Variants in TUSC3 observed in about 807,000 individuals in gnomAD.
TUSC3 encodes the protein dolichyl-diphosphooligosaccharide--protein glycosyltransferase subunit TUSC3.
A neutral mutation model predicts 44.8 loss-of-function variants in TUSC3; 45 were observed. The ratio of observed to expected loss-of-function variants is 1.00; its 90% CI spans 0.79 to 1.29. TUSC3 has a LOEUF of 1.29. Among genes scored for constraint, TUSC3 ranks in the 50% most tolerant of loss-of-function variants. TUSC3 has a pLI of 0.00. For synonymous variants in TUSC3, 212 were observed against 152.9 expected (o/e 1.39, Z -2.85); for missense variants, 519 against 437.9 (o/e 1.19, Z -1.65).
intron 1 of TUSC3, among the ~76,000 whole-genome samples, chr8:15,481,272 G>A (rs922182903): frequency 1.3e-5 from 2 of 151,596 alleles, no homozygotes; most frequent in Admixed American, 1.3e-4. Context: ...AAAAAAAGTG[G>A]GGTCTTTAAG....
At chr8:15,435,505 A>C (rs868383947) in intron 1 of TUSC3, among the ~76,000 whole-genome samples, 1 of 152,362 alleles carries the variant, frequency 6.6e-6, no homozygotes, top group East Asian at 1.9e-4. Flanking sequence ...CATATTTCAA[A>C]TAGCATATTA....
At chr8:15,503,293 A>G (rs966901880) in intron 2 of TUSC3, among the ~76,000 whole-genome samples, 2 of 152,056 alleles carry the variant, frequency 1.3e-5, no homozygotes, top group Non-Finnish European at 2.9e-5. Context: ...GAAGAAACTA[A>G]CCCTGCCGCC....
intron 1 of TUSC3, among the ~76,000 whole-genome samples, chr8:15,592,152 A>C (rs1803870268): frequency 6.6e-6 from 1 of 152,226 alleles, no homozygotes; most frequent in Non-Finnish European, 1.5e-5. Flanking sequence ...TGACTTGAAT[A>C]GTTGTTTTCC....
At chr8:15,672,937 A>G (rs573001674) in intron 5 of TUSC3, among the ~76,000 whole-genome samples, 1 of 152,176 alleles carries the variant, frequency 6.6e-6, no homozygotes, top group African/African-American at 2.4e-5. Flanking sequence ...TGATTGGGCA[A>G]GTTATAGGAT....
At chr8:15,620,093 G>C (rs1211067902) in intron 1 of TUSC3, among the ~76,000 whole-genome samples, 1 of 152,114 alleles carries the variant, frequency 6.6e-6, no homozygotes, top group Non-Finnish European at 1.5e-5. Flanking sequence ...ATTAAAATAA[G>C]ATACCATTGT....
chr8:15,789,995 G>A, the TUSC3 span, among the ~76,000 whole-genome samples: 1 of 152,018 alleles, frequency 6.6e-6, no homozygotes, highest in African/African-American at 2.4e-5. Context: ...GCAGACCAGG[G>A]CTAACTCCTA....
intron 3 of TUSC3, among the ~76,000 whole-genome samples, chr8:15,655,696 C>G (rs10100681): frequency 0.28 from 42,139 of 152,108 alleles, 5,977 homozygotes; most frequent in Non-Finnish European, 0.3. Context: ...CTTTGAGGAG[C>G]CAAGAATCAA....
chr8:15,467,110 A>ATAATAG (rs1271566458), intron 1 of TUSC3, among the ~76,000 whole-genome samples: 1 of 152,098 alleles, frequency 6.6e-6, no homozygotes, highest in African/African-American at 2.4e-5. Flanking sequence ...GGAAGGATTC[A>ATAATAG]GAAAGGAGGC....
intron 1 of TUSC3, among the ~76,000 whole-genome samples, chr8:15,620,681 A>G (rs1805204351): frequency 6.6e-6 from 1 of 152,176 alleles, no homozygotes; most frequent in African/African-American, 2.4e-5. Flanking sequence ...TTGTTACTTA[A>G]ATAAGAACTA....
chr8:15,756,990 G>A (rs1343531897), intron 9 of TUSC3, among the ~76,000 whole-genome samples: 4 of 152,058 alleles, frequency 2.6e-5, no homozygotes, highest in African/African-American at 9.7e-5. Context: ...TAAAAAATTA[G>A]CCTGGCATGG....
At chr8:15,429,233 T>TC (rs1234940793) in intron 1 of TUSC3, among the ~76,000 whole-genome samples, 1 of 152,198 alleles carries the variant, frequency 6.6e-6, no homozygotes, top group Admixed American at 6.5e-5. Flanking sequence ...GGGAATCCTT[T>TC]CCCCATTTCT....
chr8:15,461,956 A>C (rs1800351641), intron 1 of TUSC3, among the ~76,000 whole-genome samples: 1 of 152,076 alleles, frequency 6.6e-6, no homozygotes, highest in African/African-American at 2.4e-5. Context: ...TGAAGATGAA[A>C]AATAAGTGCT....
At chr8:15,656,535 C>A (rs115249449) in intron 3 of TUSC3, among the ~76,000 whole-genome samples, 2 of 152,116 alleles carry the variant, frequency 1.3e-5, no homozygotes, top group Non-Finnish European at 2.9e-5. Flanking sequence ...CATTCCACGT[C>A]CCATCATCTG....
chr8:15,442,773 T>C lies in TUSC3; in HGVS notation n.91+25468T>C, dbSNP rs369741388. Among the ~76,000 whole-genome samples the C allele has an allele frequency of 4.9e-4, 75 of 152,258 alleles. No homozygotes were observed. In the South Asian group the frequency reaches 0.014, roughly 29 times the overall value. On this transcript the variant is annotated intron_variant and non_coding_transcript_variant, in intron 1 of 5. Transcript: ENST00000503191. ...GTCATTGATAACAAAGACTTCCTCC[T>C]TGACCAAACTTTAGTCAGGCTCCTC...
At chr8:15,573,228 AT>A (rs1416563742) in intron 1 of TUSC3, among the ~76,000 whole-genome samples, 5 of 122,070 alleles carry the variant, frequency 4.1e-5, no homozygotes, top group African/African-American at 9.8e-5. Flanking sequence ...ATATATATAT[AT>A]AAAAGTTTTT....
Position 15,505,050 on chromosome 8 carries a change from T to C in TUSC3, n.189+21567T>C, listed in dbSNP as rs531875386. On this transcript the variant is annotated intron_variant and non_coding_transcript_variant, in intron 2 of 5. Transcript: ENST00000503191. ...TTAACCAAAATAATAAAAATATTGC[T>C]GCCAAATGGCAGGAATCTAGAAATT... is the stretch of plus-strand genomic sequence containing the variant. 4.6e-5 allele frequency among the ~76,000 whole-genome samples: 7 copies of C among 152,266 alleles called. No individual in the cohort carries two copies. In the South Asian group the frequency reaches 6.2e-4, roughly 14 times the overall value.
At chr8:15,596,880 A>G (rs757621149) in intron 1 of TUSC3, among the ~76,000 whole-genome samples, 4 of 152,178 alleles carry the variant, frequency 2.6e-5, no homozygotes, top group Non-Finnish European at 5.9e-5. Context: ...CAAATAATAG[A>G]CGATCTTTCT....
intron 2 of TUSC3, among the ~76,000 whole-genome samples, chr8:15,532,938 G>A (rs1388316383): frequency 2.6e-5 from 4 of 152,116 alleles, no homozygotes; most frequent in South Asian, 2.1e-4. Context: ...GATTACAGGT[G>A]CCTGTCACCA....
chr8:15,649,586 A>C (rs1158504760), intron 2 of TUSC3, among the ~76,000 whole-genome samples: 4 of 129,682 alleles, frequency 3.1e-5, no homozygotes, highest in Non-Finnish European at 6.8e-5. Context: ...TCCGTCTCAA[A>C]AGAAAAAAAA....
Sources: gnomAD v4.1 joint callset for allele counts (sites outside exome capture counted in the v4.1 genomes callset) on GRCh38, gnomAD v4.1.1 for gene constraint, MANE v1.5 for transcripts, NCBI Gene and HGNC (gene_info 2026-07-23, HGNC 2026-07-21) for gene names.